Variants in TRPV2 observed in about 807,000 individuals in gnomAD.
The protein encoded by TRPV2 is transient receptor potential cation channel subfamily V member 2.
TRPV2 carries 58 observed loss-of-function variants against 91.0 expected under a neutral mutation model. The observed-to-expected ratio is 0.64, with a 90% CI of 0.52 to 0.79. The LOEUF (loss-of-function observed/expected upper bound fraction) is 0.79, where lower values mean the gene tolerates loss of function less well. Among genes scored for constraint, TRPV2 ranks in the 30% least tolerant of loss-of-function variants. The probability of loss-of-function intolerance (pLI) is 0.00; values close to 1 mark genes in which losing one functional copy is unlikely to be tolerated. For synonymous variants in TRPV2, 417 were observed against 414.8 expected (o/e 1.01, Z -0.06); for missense variants, 807 against 969.6 (o/e 0.83, Z 2.23).
Position 16,422,783 on chromosome 17 carries a change from G to A in TRPV2, c.519G>A (p.Lys173=). ...GCGCTCTGCACATCGCCATTGAGAA[G>A]AGGAGTCTGCAGTGTGTGAAGCTCC... is the stretch of plus-strand genomic sequence containing the variant. ...GHSALHIAIE[K]RSLQCVKLLV... is the part of the protein sequence containing the mutation. Residue 173 remains lysine (K), a synonymous_variant, in exon 4 of 15, where the codon AAG becomes AAA. Coordinates refer to ENST00000338560, the MANE Select transcript of TRPV2 (RefSeq NM_016113.5). 6.4e-7 allele frequency: 1 copy of A among 1,573,938 alleles called. No homozygotes were observed. Among genetic ancestry groups the A allele is most frequent in the Non-Finnish European group, 8.6e-7 (1 of 1,157,918 alleles).
At chr17:16,427,393 G>T in intron 7 of TRPV2, 56 bp from the exon 8 acceptor site, 1 of 1,532,098 alleles carries the variant, frequency 6.5e-7, no homozygotes, top group Non-Finnish European at 9.0e-7. Flanking sequence ...GCTCTGAAGG[G>T]TGAGCTGTTC....
At chr17:16,421,373 C>A (rs1190819535) in intron 3 of TRPV2, among the ~76,000 whole-genome samples, 1 of 152,014 alleles carries the variant, frequency 6.6e-6, no homozygotes, top group Non-Finnish European at 1.5e-5. Flanking sequence ...CCAGCCACCA[C>A]ACCTGGCTAA....
chr17:16,417,977 C>A, intron 2 of TRPV2, 109 bp downstream of exon 2: 1 of 1,082,638 alleles, frequency 9.2e-7, no homozygotes, highest in Non-Finnish European at 1.3e-6. Context: ...CTTCCCACAG[C>A]CTGTGGAGTC....
chr17:16,425,625 G>A (rs540276544), intron 5 of TRPV2, among the ~76,000 whole-genome samples: 1 of 152,290 alleles, frequency 6.6e-6, no homozygotes, highest in African/African-American at 2.4e-5. Context: ...CTGCTGTGTG[G>A]CCTATGAAAG....
rs1433080811 is a variant in TRPV2 at position 16,420,247 on chromosome 17, A to G, written c.333A>G (p.Thr111=). 1 of 1,611,848 alleles carries G rather than the reference A, an allele frequency of 6.2e-7. No individual in the cohort carries two copies. Among genetic ancestry groups the G allele is most frequent in the Non-Finnish European group, 8.5e-7 (1 of 1,178,278 alleles). The change falls in exon 3 of 15, where the codon ACA becomes ACG. Residue 111 remains threonine, a splice_region_variant and synonymous_variant. Transcript: ENST00000338560. ...AGTACCTCACCGACTCGGAATACAC[A>G]GGTAGACCCTGCCCTGTGGATCCAA... The part of the protein sequence containing the change: ...TSKYLTDSEY[T]EGSTGKTCLM...
In TRPV2 at chr17:16,427,552, GT is replaced by G. The variant is rs766549939; in HGVS notation, c.1350+6del. The G allele has an allele frequency of 3.7e-6, 6 of 1,608,160 alleles. 1 individual carries two copies. The South Asian group carries it at 6.6e-5, about 18-fold the overall frequency. The stretch of plus-strand genomic sequence containing the variant: ...ATCTACCTCCTCGTGGGCCAGGTGA[GT>G]GCCCCTCCCCTTCTCCTACCAAGAA... On this transcript the variant is annotated splice_donor_region_variant and intron_variant, in intron 8 of 14. Coordinates refer to ENST00000338560, the MANE Select transcript of TRPV2 (RefSeq NM_016113.5).
intron 13 of TRPV2, among the ~76,000 whole-genome samples, chr17:16,434,234 C>T (rs932244446): frequency 3.3e-5 from 5 of 152,114 alleles, no homozygotes; most frequent in African/African-American, 7.2e-5. Context: ...TTTGGGAGGC[C>T]GAGGCGGGCA....
intron 3 of TRPV2, among the ~76,000 whole-genome samples, chr17:16,421,925 C>T (rs995148009): frequency 6.6e-6 from 1 of 152,178 alleles, no homozygotes; most frequent in Non-Finnish European, 1.5e-5. Flanking sequence ...GAGATAGAGA[C>T]ATTAAGTGGT....
intron 9 of TRPV2, 180 bp from the exon 10 acceptor site, chr17:16,428,637 A>G: frequency 1.4e-6 from 1 of 736,874 alleles, no homozygotes; most frequent in Non-Finnish European, 2.2e-6. Flanking sequence ...AGTCCTTGAA[A>G]ACACTCTATG....
chr17:16,436,743 G>C, intron 14 of TRPV2, 46 bp from the exon 15 acceptor site: 1 of 1,407,196 alleles, frequency 7.1e-7, no homozygotes, highest in South Asian at 1.2e-5. Context: ...TGCTTCCTGG[G>C]GACACACTCA....
chr17:16,423,649 T>C lies in TRPV2; in HGVS notation c.806T>C (p.Met269Thr), dbSNP rs147612597. 1.1e-5 allele frequency: 17 copies of C among 1,614,066 alleles called. No individual in the cohort carries two copies. Among genetic ancestry groups the C allele is most frequent in the African/African-American group, 1.3e-5 (1 of 74,928 alleles). ...GAGAACATTGCACTGGTGACCAGCA[T>C]GTATGATGGGCTCCTCCAAGCTGGG... is the stretch of plus-strand genomic sequence containing the variant. ...SAENIALVTSMYDGLLQAGAR... is the reference protein window; with the variant it reads ...SAENIALVTSTYDGLLQAGAR... The change falls in exon 5 of 15, where the codon ATG becomes ACG. Residue 269 changes from methionine to threonine, a missense_variant. Coordinates refer to ENST00000338560, the MANE Select transcript of TRPV2 (RefSeq NM_016113.5).
intron 2 of TRPV2, among the ~76,000 whole-genome samples, chr17:16,418,894 C>T (rs1301005758): frequency 6.6e-6 from 1 of 152,086 alleles, no homozygotes; most frequent in African/African-American, 2.4e-5. Flanking sequence ...GGAGGGCTGG[C>T]TGTAATTACA....
chr17:16,434,817 C>A (rs781221972), intron 13 of TRPV2, 73 bp from the exon 14 acceptor site: 14 of 1,468,910 alleles, frequency 9.5e-6, no homozygotes, highest in Non-Finnish European at 1.3e-5. Flanking sequence ...ATTTGGGGGG[C>A]CACGCCCCTC....
At chr17:16,425,617 G>A (rs2093379304) in intron 5 of TRPV2, among the ~76,000 whole-genome samples, 1 of 152,218 alleles carries the variant, frequency 6.6e-6, no homozygotes, top group Admixed American at 6.5e-5. Context: ...TAGAGGCACT[G>A]CTGTGTGGCC....
chr17:16,421,519 ATTT>A (rs574608841), intron 3 of TRPV2, among the ~76,000 whole-genome samples: 4 of 86,712 alleles, frequency 4.6e-5, no homozygotes, highest in South Asian at 6.9e-4. Flanking sequence ...GCGCCTGGCC[ATTT>A]TTTTTTTTTT....
In TRPV2 at chr17:16,432,157, C is replaced by T; in HGVS notation, c.1846C>T (p.Leu616=). The change falls in exon 12 of 15, where the codon CTG becomes TTG. Residue 616 remains leucine (L), a synonymous_variant. Coordinates refer to ENST00000338560, the MANE Select transcript of TRPV2 (RefSeq NM_016113.5). The part of the protein sequence containing the change: ...GMGELAFQEQ[L]HFRGMVLLLL... ...GGGCGAGCTGGCCTTCCAGGAGCAG[C>T]TGCACTTCCGCGGCATGGTGCTGCT... 1 of 1,614,272 alleles carries T rather than the reference C, an allele frequency of 6.2e-7. No homozygotes were observed. Among genetic ancestry groups the T allele is most frequent in the Non-Finnish European group, 8.5e-7 (1 of 1,180,042 alleles).
Position 16,436,811 on chromosome 17 carries a change from G to A in TRPV2, c.2217G>A (p.Leu739=), listed in dbSNP as rs2093435699. 2.9e-5 allele frequency: 46 copies of A among 1,613,996 alleles called. No homozygotes were observed. The highest frequency in any genetic ancestry group is 3.8e-5 in the Non-Finnish European group (45 of 1,179,914). ...GVPRTLENPV[L]ASPPKEDEDG... is the part of the protein sequence containing the mutation. The stretch of plus-strand genomic sequence containing the variant: ...CAGGAACTCTCGAGAACCCTGTCCT[G>A]GCTTCCCCTCCCAAGGAGGATGAGG... Residue 739 remains leucine, a synonymous_variant, in exon 15 of 15, where the codon CTG becomes CTA. Transcript: ENST00000338560.
chr17:16,425,966 G>C, intron 5 of TRPV2, 133 bp from the exon 6 acceptor site: 1 of 906,280 alleles, frequency 1.1e-6, no homozygotes, highest in South Asian at 1.6e-5. Flanking sequence ...TGCGTGTATG[G>C]GGGTACGTGC....
chr17:16,432,312 G>T lies in TRPV2; in HGVS notation c.1989+12G>T. 3 of 1,590,780 alleles carry T rather than the reference G, an allele frequency of 1.9e-6. No homozygotes were observed. Among genetic ancestry groups the T allele is most frequent in the Admixed American group, 1.7e-5 (1 of 59,170 alleles). ...TCTGGAAGCTGCAGGTGCCACCAGA[G>T]AGGCTCCCTGCCCCCACCCCACCCC... On this transcript the variant is annotated intron_variant, in intron 12 of 14. Transcript: ENST00000338560.
Sources: allele counts gnomAD v4.1 joint callset (sites outside exome capture counted in the v4.1 genomes callset), GRCh38; gene constraint gnomAD v4.1.1; transcripts MANE v1.5; gene names NCBI Gene and HGNC (gene_info 2026-07-23, HGNC 2026-07-21).